The following KLF17 variants were observed in gnomAD, a reference collection of about 807,000 sequenced individuals.
The protein encoded by KLF17 is KLF transcription factor 17, also known as Krueppel-like factor 17.
In KLF17, 31 loss-of-function variants were observed where a neutral mutation model predicts 34.2. The observed-to-expected ratio is 0.91, with a 90% CI of 0.68 to 1.22. The LOEUF is 1.22. KLF17 is among the 50% of genes most tolerant of loss of function. The pLI is 0.00. For missense variants in KLF17, 478 were observed against 505.2 expected, an observed-to-expected ratio of 0.95 and a Z score of 0.52; for synonymous variants, 179 against 186.7, an observed-to-expected ratio of 0.96 and a Z score of 0.34.
chr1:44,059,381 G>A, the KLF17 span, among the ~76,000 whole-genome samples: 2 of 152,158 alleles, frequency 1.3e-5, no homozygotes, highest in East Asian at 1.9e-4. Context: ...TATTAATCCT[G>A]TTTGATTTCC....
chr1:44,121,079 C>G (rs1213560723), intron 1 of KLF17, among the ~76,000 whole-genome samples: 2 of 152,030 alleles, frequency 1.3e-5, no homozygotes, highest in East Asian at 3.8e-4. Flanking sequence ...TTCTCTATAG[C>G]CAAAACCACA....
rs764445883 is a variant in KLF17, at chr1:44,123,819, T to C, written c.81+4831T>C. Reference sequence around the variant, plus strand: ...CATTGTGATTTTTTTATTTGACCCATTGATTGTTTCAGAGAGTGCTATTTA... The same window carrying C: ...CATTGTGATTTTTTTATTTGACCCACTGATTGTTTCAGAGAGTGCTATTTA... On this transcript the variant is annotated intron_variant, in intron 1 of 3. Transcript: ENST00000372299. 4.6e-4 allele frequency among the ~76,000 whole-genome samples: 70 copies of C among 152,310 alleles called. 1 individual carries two copies. Among genetic ancestry groups the C allele is most frequent in the Non-Finnish European group, 2.4e-4 (16 of 68,028 alleles).
At chr1:44,128,472 AC>A (rs1364219210) in intron 1 of KLF17, among the ~76,000 whole-genome samples, 2 of 151,658 alleles carry the variant, frequency 1.3e-5, no homozygotes, top group African/African-American at 4.8e-5. Flanking sequence ...CTTCCAGACA[AC>A]CCCCATCCCT....
chr1:44,107,678 G>A, the KLF17 span, among the ~76,000 whole-genome samples: 4 of 151,944 alleles, frequency 2.6e-5, no homozygotes, highest in Admixed American at 6.6e-5. Context: ...TAAAGGTCTC[G>A]GTTATCAGAT....
chr1:44,047,003 G>A, the KLF17 span, among the ~76,000 whole-genome samples: 1 of 112,522 alleles, frequency 8.9e-6, no homozygotes, highest in Non-Finnish European at 1.6e-5. Context: ...CTCCAGCCTA[G>A]ACAACAGAGC....
At chr1:44,075,294 T>G in the KLF17 span, among the ~76,000 whole-genome samples, 1,502 of 152,344 alleles carry the variant, frequency 9.9e-3, 15 homozygotes, top group Admixed American at 0.016. Flanking sequence ...ATCTGGTGTT[T>G]GATACTTTGG....
At chr1:44,132,053 T>C (rs1417761869) in intron 3 of KLF17, among the ~76,000 whole-genome samples, 1 of 152,104 alleles carries the variant, frequency 6.6e-6, no homozygotes, top group Non-Finnish European at 1.5e-5. Context: ...ACGCCTGTAA[T>C]CCCAATACTT....
the KLF17 span, among the ~76,000 whole-genome samples, chr1:44,102,155 TTTAA>T: frequency 5.3e-5 from 8 of 152,186 alleles, no homozygotes; most frequent in Non-Finnish European, 8.8e-5. Context: ...CAATAATCAC[TTTAA>T]TTGTCAATGG....
chr1:44,106,956 A>C, the KLF17 span: 2 of 152,166 alleles, frequency 1.3e-5, no homozygotes, highest in Non-Finnish European at 2.9e-5. Flanking sequence ...ATTCAAATAG[A>C]GCAGAAGAAA....
the KLF17 span, among the ~76,000 whole-genome samples, chr1:44,050,709 G>T: frequency 8.8e-4 from 134 of 152,258 alleles, 2 homozygotes; most frequent in East Asian, 0.021. Flanking sequence ...TTGAGGTCAG[G>T]AGTTTGAGAC....
At chr1:44,077,652 C>T in the KLF17 span, among the ~76,000 whole-genome samples, 1 of 152,164 alleles carries the variant, frequency 6.6e-6, no homozygotes, top group Non-Finnish European at 1.5e-5. Flanking sequence ...TTTGGGGCCT[C>T]AGCTGGGGCA....
chr1:44,103,216 C>G, the KLF17 span: 36 of 632,616 alleles, frequency 5.7e-5, no homozygotes, highest in African/African-American at 4.7e-4. Flanking sequence ...GTGGGTCTCC[C>G]GTTCCCTGTG....
chr1:44,066,485 C>T, the KLF17 span, among the ~76,000 whole-genome samples: 1 of 151,402 alleles, frequency 6.6e-6, no homozygotes, highest in East Asian at 1.9e-4. Context: ...CTCAGCCTCC[C>T]AGAGTGCTGG....
At chr1:44,123,862 T>C (rs902817562) in intron 1 of KLF17, among the ~76,000 whole-genome samples, 1 of 152,186 alleles carries the variant, frequency 6.6e-6, no homozygotes, top group Non-Finnish European at 1.5e-5. Context: ...CACAGATTTG[T>C]AAATTTTCTA....
the KLF17 span, among the ~76,000 whole-genome samples, chr1:44,057,716 T>C: frequency 1.3e-5 from 2 of 152,246 alleles, no homozygotes; most frequent in East Asian, 3.8e-4. Flanking sequence ...AGTATTCCCA[T>C]GACTCCTTAC....
chr1:44,054,393 A>G, the KLF17 span, among the ~76,000 whole-genome samples: 9 of 152,098 alleles, frequency 5.9e-5, no homozygotes, highest in East Asian at 9.7e-4. Flanking sequence ...CCACCCCAGG[A>G]AAATATGGGA....
chr1:44,130,040 CCTG>C lies in KLF17; in HGVS notation c.772_774del (p.Ala258del). ...CCCATTTCTACCAGAGCAGCCCGGACCTGCTCCACAGACAGTAGAGAAGAACTC... is the reference window on the plus strand; with the variant it reads ...CCCATTTCTACCAGAGCAGCCCGGACCTCCACAGACAGTAGAGAAGAACTC... On this transcript the variant is annotated inframe_deletion, in exon 2 of 4. Coordinates refer to ENST00000372299, the MANE Select transcript of KLF17 (RefSeq NM_173484.4). 6.2e-7 allele frequency: 1 copy of C among 1,614,192 alleles called. No individual in the cohort carries two copies. The highest frequency in any genetic ancestry group is 8.5e-7 in the Non-Finnish European group (1 of 1,180,034).
the KLF17 span, among the ~76,000 whole-genome samples, chr1:44,095,075 G>T: frequency 6.6e-6 from 1 of 151,170 alleles, no homozygotes. Context: ...TAATTTTTTT[G>T]TATTTTTAGT....
At chr1:44,099,915 A>AAGAG in the KLF17 span, among the ~76,000 whole-genome samples, 2 of 74,164 alleles carry the variant, frequency 2.7e-5, no homozygotes, top group East Asian at 8.2e-4. Flanking sequence ...GAAAGAAAGA[A>AAGAG]AGAAAAGAAA....
Sources: gnomAD v4.1 joint callset for allele counts (sites outside exome capture counted in the v4.1 genomes callset) on GRCh38, gnomAD v4.1.1 for gene constraint, MANE v1.5 for transcripts, NCBI Gene and HGNC (gene_info 2026-07-23, HGNC 2026-07-21) for gene names.